OR6C1: variants seen among roughly 807,000 people sequenced by gnomAD.
OR6C1 encodes olfactory receptor family 6 subfamily C member 1, also known as olfactory receptor 6C1.
For synonymous variants in OR6C1, 157 were observed against 133.3 expected (o/e 1.18, Z -1.22); for missense variants, 386 against 366.1 (o/e 1.05, Z -0.44).
chr12:55,316,348 A>G (rs1868410899), intron 1 of OR6C1, among the ~76,000 whole-genome samples: 1 of 151,844 alleles, frequency 6.6e-6, no homozygotes, highest in Non-Finnish European at 1.5e-5. Context: ...GAAAGCTCTG[A>G]AGATGCTTTG....
intron 1 of OR6C1, among the ~76,000 whole-genome samples, chr12:55,318,258 GTGT>G (rs1460693054): frequency 4.1e-5 from 6 of 146,164 alleles, no homozygotes; most frequent in African/African-American, 1.3e-4. Context: ...GTGTGTGTGT[GTGT>G]GTGGTGGTGG....
intron 1 of OR6C1, among the ~76,000 whole-genome samples, chr12:55,318,337 G>T (rs1023264924): frequency 2.0e-5 from 3 of 151,408 alleles, no homozygotes; most frequent in Non-Finnish European, 4.4e-5. Context: ...AGACAAGGAA[G>T]AGCAAAGATT....
intron 1 of OR6C1, 99 bp from the exon 2 acceptor site, chr12:55,320,468 G>A: frequency 1.7e-6 from 1 of 605,392 alleles, no homozygotes. Context: ...TCCCCTTGAA[G>A]TAGAAATGGC....
At chr12:55,318,221 AGTGTGTGTGTGTGT>A (rs71070867) in intron 1 of OR6C1, among the ~76,000 whole-genome samples, 4 of 128,592 alleles carry the variant, frequency 3.1e-5, no homozygotes, top group East Asian at 2.3e-4. Context: ...AGATAAGTGG[AGTGTGTGTGTGTGT>A]GTGTGTGTGT....
chr12:55,315,579 C>A (rs999940947), intron 1 of OR6C1, among the ~76,000 whole-genome samples: 4 of 151,672 alleles, frequency 2.6e-5, no homozygotes, highest in African/African-American at 9.7e-5. Flanking sequence ...ACCTGCCCAT[C>A]ATTATCGAAA....
rs1309295379 is a variant in OR6C1, at chr12:55,321,740, T to A, written c.*202T>A. On this transcript the variant is annotated 3_prime_UTR_variant, in exon 2 of 2. Coordinates refer to ENST00000642104, the MANE Select transcript of OR6C1 (RefSeq NM_001005182.2). ...TCCTGACACCCCCTCCTTTGAACAA[T>A]TTTTTGTAAAATTACAAGCTCTTCA... 10 of 407,310 alleles carry A rather than the reference T, an allele frequency of 2.5e-5. No homozygotes were observed. The highest frequency in any genetic ancestry group is 3.9e-5 in the Non-Finnish European group (9 of 231,128). The allele number at this position is 407,310 out of a possible 1,614,324, so 25.2% of individuals were successfully genotyped here.
chr12:55,320,574 A>C lies in OR6C1; in HGVS notation c.-26A>C. 5 of 1,338,308 alleles carry C rather than the reference A, an allele frequency of 3.7e-6. No individual in the cohort carries two copies. The highest frequency in any genetic ancestry group is 5.3e-6 in the Non-Finnish European group (5 of 952,324). 82.9% of individuals were successfully genotyped at this position (1,338,308 alleles called of 1,614,324 possible). A position where few individuals can be genotyped will look rare whatever the true frequency, so the allele number is the denominator to read the frequency against. On this transcript the variant is annotated 5_prime_UTR_variant, in exon 2 of 2. Coordinates refer to ENST00000642104, the MANE Select transcript of OR6C1 (RefSeq NM_001005182.2). ...TTGTACTTTCTCTTGTAGGTCTGGC[A>C]GGGGAAAAAAGAAAGCAACTGAAGA...
intron 1 of OR6C1, among the ~76,000 whole-genome samples, chr12:55,315,437 G>T (rs1868393166): frequency 6.6e-6 from 1 of 151,562 alleles, no homozygotes; most frequent in Non-Finnish European, 1.5e-5. Flanking sequence ...AAGGAATGAG[G>T]TTATGAGTGT....
At chr12:55,316,096 TACACACACACACAC>T (rs35664107) in intron 1 of OR6C1, among the ~76,000 whole-genome samples, 3 of 140,906 alleles carry the variant, frequency 2.1e-5, no homozygotes, top group African/African-American at 5.6e-5. Context: ...AAAAAGTACA[TACACACACACACAC>T]ACACACACAC....
intron 1 of OR6C1, among the ~76,000 whole-genome samples, chr12:55,315,293 A>G (rs1868390874): frequency 6.6e-6 from 1 of 151,730 alleles, no homozygotes; most frequent in South Asian, 2.1e-4. Context: ...TAAAGCCTAT[A>G]TACTTTCTGT....
At chr12:55,318,463 T>C (rs991330291) in intron 1 of OR6C1, among the ~76,000 whole-genome samples, 2 of 151,920 alleles carry the variant, frequency 1.3e-5, no homozygotes, top group Non-Finnish European at 2.9e-5. Flanking sequence ...TTACTATTTA[T>C]TTAAGTCATA....
Position 55,321,595 on chromosome 12 carries a change from G to A in OR6C1, c.*57G>A. ...GAAAGGACAATATGAATTTTCAGTA[G>A]CTTCTTCAATCAAAATGGCCTCCTT... On this transcript the variant is annotated 3_prime_UTR_variant, in exon 2 of 2. Coordinates refer to ENST00000642104, the MANE Select transcript of OR6C1 (RefSeq NM_001005182.2). 8.2e-7 allele frequency: 1 copy of A among 1,220,002 alleles called. No individual in the cohort carries two copies. The highest frequency in any genetic ancestry group is 1.1e-6 in the Non-Finnish European group (1 of 876,218). 75.6% of individuals were successfully genotyped at this position (1,220,002 alleles called of 1,614,324 possible).
At chr12:55,317,952 T>TACACAC (rs61539539) in intron 1 of OR6C1, among the ~76,000 whole-genome samples, 1 of 146,108 alleles carries the variant, frequency 6.8e-6, no homozygotes, top group African/African-American at 2.5e-5. Context: ...TGTATATATA[T>TACACAC]ACACACACAC....
At chr12:55,316,859 C>CT (rs1868418101) in intron 1 of OR6C1, among the ~76,000 whole-genome samples, 1 of 151,802 alleles carries the variant, frequency 6.6e-6, no homozygotes, top group African/African-American at 2.4e-5. Flanking sequence ...ATGGAAGTGT[C>CT]TATTTTTTTT....
Position 55,320,739 on chromosome 12 carries a change from C to G in OR6C1, c.140C>G (p.Thr47Ser). 1 of 1,614,050 alleles carries G rather than the reference C, an allele frequency of 6.2e-7. No homozygotes were observed. Among genetic ancestry groups the G allele is most frequent in the South Asian group, 1.1e-5 (1 of 91,070 alleles). Residue 47 changes from threonine to serine, a missense_variant, in exon 2 of 2, where the codon ACC becomes AGC. Physicochemically the swap from Thr to Ser is moderately conservative, Grantham distance 58. Transcript: ENST00000642104. Reference sequence around the variant, plus strand: ...GGGAACCTGACCCTTATCACAATTACCCTGCTGGATTCCCACCTGCAGACC... The same window carrying G: ...GGGAACCTGACCCTTATCACAATTAGCCTGCTGGATTCCCACCTGCAGACC... The part of the protein sequence containing the change: ...ITGNLTLITI[T>S]LLDSHLQTPM...
chr12:55,317,633 G>A (rs1868432061), intron 1 of OR6C1, among the ~76,000 whole-genome samples: 1 of 151,840 alleles, frequency 6.6e-6, no homozygotes, highest in Admixed American at 6.6e-5. Context: ...TTAACTAGAT[G>A]AGTGTTTCCT....
rs1273413771 is a variant in OR6C1 at position 55,321,267 on chromosome 12, T to C, written c.668T>C (p.Ile223Thr). The stretch of plus-strand genomic sequence containing the variant: ...TCCTACATATACATTATCAGAACAA[T>C]TTTGAGAATTCCTTCTACTAGTCAG... ...FLSYIYIIRT[I>T]LRIPSTSQRT... Residue 223 changes from isoleucine (I) to threonine (T), a missense_variant, in exon 2 of 2, where the codon ATT becomes ACT. Ile to Thr is a moderately conservative substitution (Grantham distance 89). Transcript: ENST00000642104. 24 of 1,613,662 alleles carry C rather than the reference T, an allele frequency of 1.5e-5. No homozygotes were observed. Among genetic ancestry groups the C allele is most frequent in the Non-Finnish European group, 2.0e-5 (24 of 1,179,716 alleles).
chr12:55,319,956 C>A (rs567135430), intron 1 of OR6C1, among the ~76,000 whole-genome samples: 3 of 152,134 alleles, frequency 2.0e-5, no homozygotes, highest in Admixed American at 2.0e-4. Context: ...GCCTGACCAG[C>A]ATGGCGAAAC....
rs773029062 is a variant in OR6C1, at chr12:55,321,545, A to G, written c.*7A>G. 5 of 1,579,488 alleles carry G rather than the reference A, an allele frequency of 3.2e-6. No individual in the cohort carries two copies. The African/African-American group carries it at 6.8e-5, about 21-fold the overall frequency. ...ATTTTTCACAAGCACATGAAATGGT[A>G]TGGTGTGATGAATTAGAGGCACAGG... On this transcript the variant is annotated 3_prime_UTR_variant, in exon 2 of 2. Coordinates refer to ENST00000642104, the MANE Select transcript of OR6C1 (RefSeq NM_001005182.2).
Sources: gnomAD v4.1 joint callset for allele counts (sites outside exome capture counted in the v4.1 genomes callset) on GRCh38, gnomAD v4.1.1 for gene constraint, MANE v1.5 for transcripts, NCBI Gene and HGNC (gene_info 2026-07-23, HGNC 2026-07-21) for gene names.